Variants in NTM observed in about 807,000 individuals in gnomAD.
NTM encodes neurotrimin.
A neutral mutation model predicts 42.1 loss-of-function variants in NTM; 13 were observed. The ratio of observed to expected loss-of-function variants is 0.31; its 90% CI spans 0.20 to 0.49. The LOEUF (loss-of-function observed/expected upper bound fraction) is 0.49. NTM is among the 20% of genes least tolerant of loss of function. The pLI is 0.99. For missense variants in NTM, 373 were observed against 452.8 expected (o/e 0.82, Z 1.60); for synonymous variants, 187 against 179.2 (o/e 1.04, Z -0.35).
At chr11:132,319,680 C>T (rs2095515719) in intron 7 of NTM, among the ~76,000 whole-genome samples, 1 of 152,274 alleles carries the variant, frequency 6.6e-6, no homozygotes. Flanking sequence ...CCTCTGTAGG[C>T]TCCACCTCTG....
intron 1 of NTM, among the ~76,000 whole-genome samples, chr11:131,729,903 A>C (rs2079425808): frequency 6.7e-6 from 1 of 148,866 alleles, no homozygotes; most frequent in African/African-American, 2.5e-5. Flanking sequence ...ATCTATGAAC[A>C]TTTACATACA....
intron 1 of NTM, among the ~76,000 whole-genome samples, chr11:131,513,064 G>T (rs1387420820): frequency 6.6e-6 from 1 of 152,190 alleles, no homozygotes; most frequent in South Asian, 2.1e-4. Flanking sequence ...ATTTCAGCCT[G>T]TGACACTGCA....
At chr11:132,065,655 T>C (rs1305881835) in intron 2 of NTM, among the ~76,000 whole-genome samples, 1 of 152,244 alleles carries the variant, frequency 6.6e-6, no homozygotes, top group East Asian at 1.9e-4. Flanking sequence ...CTAACTTTTC[T>C]AGCCTGGTAG....
chr11:131,599,365 T>C lies in NTM; in HGVS notation c.82+228477T>C, dbSNP rs111632306. ...TCTACCCAGTCTCCGGCAGATGCCCTGTCTACCCAGTCTCCGGCAGAGCTA... is the reference window on the plus strand; with the variant it reads ...TCTACCCAGTCTCCGGCAGATGCCCCGTCTACCCAGTCTCCGGCAGAGCTA... On this transcript the variant is annotated intron_variant, in intron 1 of 8. Coordinates refer to ENST00000683400, the MANE Select transcript of NTM (RefSeq NM_001352005.2). 3.5e-3 allele frequency among the ~76,000 whole-genome samples: 189 copies of C among 54,782 alleles called. 28 individuals carry two copies. Among genetic ancestry groups the C allele is most frequent in the African/African-American group, 5.8e-3 (175 of 29,990 alleles). 35.9% of individuals were successfully genotyped at this position (54,782 alleles called of 152,430 possible).
intron 4 of NTM, among the ~76,000 whole-genome samples, chr11:132,227,018 A>G (rs896543963): frequency 1.3e-5 from 2 of 152,208 alleles, no homozygotes; most frequent in African/African-American, 4.8e-5. Context: ...TGACTATGCC[A>G]GGGAGCTAGA....
intron 2 of NTM, among the ~76,000 whole-genome samples, chr11:132,124,003 A>G (rs1290038780): frequency 1.3e-5 from 2 of 152,048 alleles, no homozygotes; most frequent in Non-Finnish European, 2.9e-5. Flanking sequence ...GACCCGAGGC[A>G]ATTTATTAAG....
chr11:132,112,797 C>CTGATCAAA, intron 2 of NTM, among the ~76,000 whole-genome samples: 1 of 151,768 alleles, frequency 6.6e-6, no homozygotes, highest in Admixed American at 6.6e-5. Context: ...GGAGAGGCTG[C>CTGATCAAA]TGATCAAATG....
At chr11:132,330,293 G>C in intron 8 of NTM, 108 bp downstream of exon 8, 1 of 1,288,888 alleles carries the variant, frequency 7.8e-7, no homozygotes. Flanking sequence ...AGGAAGCAGC[G>C]CAGAGGGAAC....
chr11:131,564,904 C>T (rs1206283735), intron 1 of NTM, among the ~76,000 whole-genome samples: 2 of 152,214 alleles, frequency 1.3e-5, no homozygotes, highest in African/African-American at 2.4e-5. Context: ...AAGTGAAGCC[C>T]TTCGCTTCCT....
At chr11:131,762,872 T>C (rs1236033947) in intron 1 of NTM, among the ~76,000 whole-genome samples, 1 of 152,232 alleles carries the variant, frequency 6.6e-6, no homozygotes, top group East Asian at 1.9e-4. Flanking sequence ...CTGCTGGCTC[T>C]GGACAGGAGC....
Position 132,207,326 on chromosome 11 carries a change from C to T in NTM, c.401-4696C>T, listed in dbSNP as rs150653760. 1.1e-3 allele frequency among the ~76,000 whole-genome samples: 163 copies of T among 152,218 alleles called. 2 individuals are homozygous for T. Among genetic ancestry groups the T allele is most frequent in the Non-Finnish European group, 1.6e-3 (106 of 68,016 alleles). On this transcript the variant is annotated intron_variant, in intron 3 of 8. Coordinates refer to ENST00000683400, the MANE Select transcript of NTM (RefSeq NM_001352005.2). ...GAACCCTTATTGTGAACTGCCCATG[C>T]GAGGGATCTAGGTCGTGCACTCCTT...
In NTM at chr11:131,498,157, C is replaced by T. The variant is rs146584242; in HGVS notation, c.82+127269C>T. Among the ~76,000 whole-genome samples, 960 of 152,256 alleles carry T rather than the reference C, an allele frequency of 6.3e-3. 6 individuals are homozygous for T. Among genetic ancestry groups the T allele is most frequent in the African/African-American group, 0.021 (867 of 41,534 alleles). On this transcript the variant is annotated intron_variant, in intron 1 of 8. Transcript: ENST00000683400. ...TTGCCTGACTGCTATTTTCACTTGG[C>T]GGCACCAAGCATTTGCTTCCAACGG...
intron 7 of NTM, among the ~76,000 whole-genome samples, chr11:132,323,215 C>A (rs1448841279): frequency 6.7e-6 from 1 of 150,076 alleles, no homozygotes; most frequent in African/African-American, 2.5e-5. Context: ...CACAAAAAAC[C>A]CTTCAAAAAA....
At chr11:131,605,233 T>A (rs2060843469) in intron 1 of NTM, among the ~76,000 whole-genome samples, 3 of 152,190 alleles carry the variant, frequency 2.0e-5, no homozygotes, top group Admixed American at 2.0e-4. Context: ...TTTCTTTCAG[T>A]AATGTTTTAT....
At chr11:132,155,297 G>C (rs958651362) in intron 3 of NTM, among the ~76,000 whole-genome samples, 2 of 152,110 alleles carry the variant, frequency 1.3e-5, no homozygotes, top group African/African-American at 2.4e-5. Context: ...CCCATAATTC[G>C]ATTTGGAGAA....
chr11:131,872,369 C>G (rs1180191543), intron 1 of NTM, among the ~76,000 whole-genome samples: 1 of 152,144 alleles, frequency 6.6e-6, no homozygotes, highest in Non-Finnish European at 1.5e-5. Flanking sequence ...TTAGATTCGT[C>G]GATTTCTCAG....
chr11:131,552,537 C>A (rs200126473), intron 1 of NTM, among the ~76,000 whole-genome samples: 18 of 143,116 alleles, frequency 1.3e-4, no homozygotes, highest in Non-Finnish European at 2.3e-4. Context: ...CTCAAGAGGC[C>A]GAGCGCGGTG....
At position 132,162,422 on chromosome 11, in the gene NTM, TAATG is replaced by T. The variant is rs1402566291; in HGVS notation, c.400+15909_400+15912del. On this transcript the variant is annotated intron_variant, in intron 3 of 8. Transcript: ENST00000683400. ...ATGTGTGTATTTGTGGGACATGTGT[TAATG>T]TATGTTTTTGTGTAGAGCATGTGTG... Among the ~76,000 whole-genome samples the T allele has an allele frequency of 3.4e-4, 47 of 138,702 alleles. 1 individual carries two copies. The highest frequency in any genetic ancestry group is 2.8e-5 in the African/African-American group (1 of 36,356). 91.0% of individuals were successfully genotyped at this position (138,702 alleles called of 152,430 possible).
chr11:131,876,833 G>A (rs2048603251), intron 1 of NTM, among the ~76,000 whole-genome samples: 1 of 151,680 alleles, frequency 6.6e-6, no homozygotes, highest in East Asian at 1.9e-4. Flanking sequence ...TGAGGAGAAG[G>A]CATAGTTTTA....
Sources: gnomAD v4.1 joint callset for allele counts (sites outside exome capture counted in the v4.1 genomes callset) on GRCh38, gnomAD v4.1.1 for gene constraint, MANE v1.5 for transcripts, NCBI Gene and HGNC (gene_info 2026-07-23, HGNC 2026-07-21) for gene names.